The following GSG1L variants were observed in gnomAD, a reference collection of about 807,000 sequenced individuals.
The protein encoded by GSG1L is GSG1 like.
GSG1L carries 24 observed loss-of-function variants against 42.1 expected under a neutral mutation model. The observed-to-expected ratio is 0.57, with a 90% CI of 0.41 to 0.80. GSG1L has a LOEUF of 0.80. GSG1L is among the 30% of genes least tolerant of loss of function. The probability of loss-of-function intolerance (pLI) is 0.00; values close to 1 mark genes in which losing one functional copy is unlikely to be tolerated. For missense variants in GSG1L, 445 were observed against 472.2 expected (o/e 0.94, Z 0.53); for synonymous variants, 215 against 203.5 (o/e 1.06, Z -0.48).
At chr16:27,959,923 C>A (rs2085050399) in intron 2 of GSG1L, among the ~76,000 whole-genome samples, 1 of 152,116 alleles carries the variant, frequency 6.6e-6, no homozygotes, top group Admixed American at 6.6e-5. Flanking sequence ...AAAGACATTT[C>A]CCATGTAAAA....
intron 1 of GSG1L, among the ~76,000 whole-genome samples, chr16:27,973,138 T>G (rs1364483538): frequency 6.6e-6 from 1 of 152,074 alleles, no homozygotes; most frequent in Non-Finnish European, 1.5e-5. Flanking sequence ...AGAGCTTAGA[T>G]GCAATGCCTG....
intron 2 of GSG1L, among the ~76,000 whole-genome samples, chr16:27,950,262 C>T (rs538035580): frequency 2.0e-4 from 30 of 152,290 alleles, no homozygotes; most frequent in African/African-American, 7.2e-4. Flanking sequence ...GAAACTGTTT[C>T]CAATTACAAA....
At chr16:27,939,630 C>T (rs72784123) in intron 2 of GSG1L, among the ~76,000 whole-genome samples, 16,138 of 152,166 alleles carry the variant, frequency 0.11, 1,127 homozygotes, top group East Asian at 0.25. Flanking sequence ...TCAAAAGCCA[C>T]GGTTTTCACT....
At chr16:27,813,468 C>A (rs2083057112) in intron 5 of GSG1L, among the ~76,000 whole-genome samples, 1 of 152,212 alleles carries the variant, frequency 6.6e-6, no homozygotes, top group Non-Finnish European at 1.5e-5. Flanking sequence ...TTTATGCAGT[C>A]TACCACTGAT....
intron 1 of GSG1L, among the ~76,000 whole-genome samples, chr16:28,038,296 A>G (rs1458836691): frequency 6.6e-6 from 1 of 151,908 alleles, no homozygotes; most frequent in Non-Finnish European, 1.5e-5. Flanking sequence ...TCCCCCCCCA[A>G]ATAACCCTGC....
chr16:27,897,119 C>T (rs1355965057), intron 2 of GSG1L, among the ~76,000 whole-genome samples: 1 of 152,242 alleles, frequency 6.6e-6, no homozygotes, highest in Non-Finnish European at 1.5e-5. Flanking sequence ...CCACCTCGGC[C>T]TCCCAAAGTG....
rs117885807 is a variant in GSG1L at position 27,797,007 on chromosome 16, G to A, written c.899-5540C>T. On this transcript the variant is annotated intron_variant, in intron 6 of 6. Coordinates refer to ENST00000447459, the MANE Select transcript of GSG1L (RefSeq NM_001109763.2). ...GCCTCCCACTCCTGCTGTGTGCCAG[G>A]AACCATTCAATGTGCTTCCTGTCCA... Among the ~76,000 whole-genome samples the A allele has an allele frequency of 6.5e-3, 987 of 152,270 alleles. 3 individuals are homozygous for A. The highest frequency in any genetic ancestry group is 0.011 in the Non-Finnish European group (776 of 68,010).
intron 2 of GSG1L, among the ~76,000 whole-genome samples, chr16:27,912,991 G>A (rs1596608599): frequency 6.6e-6 from 1 of 150,900 alleles, no homozygotes; most frequent in East Asian, 1.9e-4. Context: ...TTGTGTGTGT[G>A]TGTTTTTTTT....
intron 1 of GSG1L, among the ~76,000 whole-genome samples, chr16:27,970,436 G>A (rs1303471849): frequency 2.6e-5 from 4 of 151,894 alleles, no homozygotes; most frequent in Non-Finnish European, 5.9e-5. Flanking sequence ...GCCAGGCATG[G>A]TGGTGCACCC....
chr16:27,862,786 G>A (rs1168303604), intron 3 of GSG1L, among the ~76,000 whole-genome samples: 1 of 152,084 alleles, frequency 6.6e-6, no homozygotes. Flanking sequence ...CAACACCTAC[G>A]CTCCCCATAT....
At chr16:27,968,550 C>T (rs1010841922) in intron 1 of GSG1L, among the ~76,000 whole-genome samples, 1 of 152,160 alleles carries the variant, frequency 6.6e-6, no homozygotes, top group African/African-American at 2.4e-5. Context: ...CACGCCCGGC[C>T]CTAAAACATT....
intron 5 of GSG1L, among the ~76,000 whole-genome samples, chr16:27,809,066 C>A (rs1411475740): frequency 1.3e-5 from 2 of 152,174 alleles, no homozygotes; most frequent in African/African-American, 4.8e-5. Flanking sequence ...ATGGGCATCA[C>A]ATTAGAGAAA....
chr16:27,888,407 T>C (rs999861105), intron 2 of GSG1L, among the ~76,000 whole-genome samples: 1 of 12,298 alleles, frequency 8.1e-5, no homozygotes, highest in Middle Eastern at 0.038. Context: ...TCTCCTTCTT[T>C]CTTTCTTTCT....
intron 2 of GSG1L, among the ~76,000 whole-genome samples, chr16:27,915,773 T>C (rs1246863117): frequency 6.6e-6 from 1 of 152,110 alleles, no homozygotes; most frequent in Non-Finnish European, 1.5e-5. Flanking sequence ...GGCAACACAG[T>C]GGGACCATGT....
At chr16:27,810,743 A>C (rs1166424628) in intron 5 of GSG1L, among the ~76,000 whole-genome samples, 1 of 151,334 alleles carries the variant, frequency 6.6e-6, no homozygotes, top group Non-Finnish European at 1.5e-5. Context: ...GCTGGAGTGC[A>C]GTGGTGCGAT....
chr16:27,815,478 C>T (rs1441152650), intron 5 of GSG1L, among the ~76,000 whole-genome samples: 1 of 152,192 alleles, frequency 6.6e-6, no homozygotes, highest in Non-Finnish European at 1.5e-5. Flanking sequence ...TATAAATTAC[C>T]CAGCCTCAGG....
At chr16:28,050,823 C>G (rs2086214419) in intron 1 of GSG1L, among the ~76,000 whole-genome samples, 1 of 152,160 alleles carries the variant, frequency 6.6e-6, no homozygotes, top group African/African-American at 2.4e-5. Flanking sequence ...ATATAAGCCA[C>G]CATCACCAAT....
chr16:27,958,904 AC>A (rs2085036026), intron 2 of GSG1L, among the ~76,000 whole-genome samples: 2 of 152,088 alleles, frequency 1.3e-5, no homozygotes, highest in South Asian at 4.1e-4. Context: ...CAAATTCCTG[AC>A]CTCAGGTGAT....
At chr16:27,941,860 T>TA (rs1273947593) in intron 2 of GSG1L, among the ~76,000 whole-genome samples, 1 of 152,050 alleles carries the variant, frequency 6.6e-6, no homozygotes, top group Admixed American at 6.6e-5. Context: ...GACACGCAAA[T>TA]ACTGGTGATT....
Sources: gnomAD v4.1 joint callset for allele counts (sites outside exome capture counted in the v4.1 genomes callset) on GRCh38, gnomAD v4.1.1 for gene constraint, MANE v1.5 for transcripts, NCBI Gene and HGNC (gene_info 2026-07-23, HGNC 2026-07-21) for gene names.